The following SLC4A4 variants were observed in gnomAD, a reference collection of about 807,000 sequenced individuals.
SLC4A4 encodes solute carrier family 4 member 4.
In SLC4A4, 27 loss-of-function variants were observed where a neutral mutation model predicts 111.5. The observed-to-expected ratio is 0.24, with a 90% CI of 0.18 to 0.33. SLC4A4 has a LOEUF of 0.33. SLC4A4 is among the 10% of genes least tolerant of loss of function. The pLI, the probability that SLC4A4 is intolerant of heterozygous loss-of-function variation, is 1.00. For missense variants in SLC4A4, 909 were observed against 1,315.5 expected (o/e 0.69, Z 4.78); for synonymous variants, 443 against 463.4 (o/e 0.96, Z 0.57).
intron 2 of SLC4A4, among the ~76,000 whole-genome samples, chr4:71,134,759 C>T (rs1457344242): frequency 1.3e-5 from 2 of 152,190 alleles, no homozygotes; most frequent in Admixed American, 6.5e-5. Context: ...GCAAAGTCCA[C>T]AAGGCTGTAC....
chr4:71,384,561 G>A (rs1183454225), intron 6 of SLC4A4, among the ~76,000 whole-genome samples: 3 of 148,628 alleles, frequency 2.0e-5, no homozygotes, highest in East Asian at 2.0e-4. Flanking sequence ...GAGGGGGCTT[G>A]AACCCAGGAG....
intron 7 of SLC4A4, chr4:71,437,975 T>C (rs1265161339): frequency 1.3e-5 from 2 of 156,760 alleles, no homozygotes; most frequent in Non-Finnish European, 2.8e-5. Flanking sequence ...GGCAGAAATC[T>C]CCTTGAGGTG....
At chr4:71,198,397 A>G (rs778989583) in intron 1 of SLC4A4, among the ~76,000 whole-genome samples, 18 of 152,148 alleles carry the variant, frequency 1.2e-4, no homozygotes, top group Non-Finnish European at 2.2e-4. Flanking sequence ...ATGTTTGTCC[A>G]TGTATCTGAA....
chr4:71,536,465 C>CATATATATAT lies in SLC4A4; in HGVS notation c.2442+2090_2442+2099dup, dbSNP rs869091643. Reference sequence around the variant, plus strand: ...GCATATATACATATATACATATATACATATATATATATATATATATATGTA... The same window carrying CATATATATAT: ...GCATATATACATATATACATATATACATATATATATATATATATATATATATATATATGTA... On this transcript the variant is annotated intron_variant, in intron 18 of 25. Coordinates refer to ENST00000264485, the MANE Select transcript of SLC4A4 (RefSeq NM_001098484.3). Among the ~76,000 whole-genome samples the CATATATATAT allele has an allele frequency of 7.6e-3, 308 of 40,692 alleles. 16 individuals are homozygous for CATATATATAT. Among genetic ancestry groups the CATATATATAT allele is most frequent in the African/African-American group, 0.024 (300 of 12,466 alleles). 26.7% of individuals were successfully genotyped at this position (40,692 alleles called of 152,430 possible). A position where few individuals can be genotyped will look rare whatever the true frequency, so the allele number is the denominator to read the frequency against.
At chr4:71,266,987 T>A (rs1382612183) in intron 3 of SLC4A4, among the ~76,000 whole-genome samples, 1 of 152,218 alleles carries the variant, frequency 6.6e-6, no homozygotes, top group Non-Finnish European at 1.5e-5. Flanking sequence ...AATTACTAAC[T>A]ACATCAGTAT....
intron 3 of SLC4A4, among the ~76,000 whole-genome samples, chr4:71,337,765 A>T (rs909471861): frequency 9.9e-5 from 15 of 151,808 alleles, no homozygotes; most frequent in African/African-American, 3.6e-4. Flanking sequence ...TGGGTGCATG[A>T]TTCCCAAACC....
chr4:71,385,357 C>A (rs529148935), intron 6 of SLC4A4, among the ~76,000 whole-genome samples: 3 of 151,170 alleles, frequency 2.0e-5, no homozygotes, highest in East Asian at 1.9e-4. Context: ...CACCATCCGA[C>A]CCGGCTAATT....
intron 3 of SLC4A4, among the ~76,000 whole-genome samples, chr4:71,299,207 T>C (rs114496511): frequency 0.013 from 1,996 of 152,324 alleles, 17 homozygotes; most frequent in Non-Finnish European, 0.023. Flanking sequence ...CTGACCAGTC[T>C]TTCTATTGTT....
chr4:71,367,676 T>G (rs1187444965), intron 6 of SLC4A4, among the ~76,000 whole-genome samples: 2 of 152,208 alleles, frequency 1.3e-5, no homozygotes, highest in Non-Finnish European at 2.9e-5. Flanking sequence ...GCAAAGAACT[T>G]CAATTATGGG....
intron 1 of SLC4A4, among the ~76,000 whole-genome samples, chr4:71,210,669 A>G (rs555077892): frequency 2.6e-5 from 4 of 152,350 alleles, no homozygotes; most frequent in Non-Finnish European, 5.9e-5. Context: ...GTTACTGGGA[A>G]CACTGTGTAA....
At chr4:71,392,086 T>G (rs975832897) in intron 6 of SLC4A4, among the ~76,000 whole-genome samples, 4 of 152,146 alleles carry the variant, frequency 2.6e-5, no homozygotes, top group Admixed American at 2.6e-4. Flanking sequence ...TTCCAACACC[T>G]TCCCAGGTTA....
At chr4:71,162,560 A>G (rs1207953379) in intron 2 of SLC4A4, among the ~76,000 whole-genome samples, 1 of 152,182 alleles carries the variant, frequency 6.6e-6, no homozygotes, top group African/African-American at 2.4e-5. Context: ...CCTTGTCCTT[A>G]TCTTTTAAAT....
chr4:71,348,961 CAG>C (rs1171838188), intron 4 of SLC4A4, among the ~76,000 whole-genome samples: 3 of 152,248 alleles, frequency 2.0e-5, no homozygotes, highest in African/African-American at 7.2e-5. Flanking sequence ...CAATATCTCT[CAG>C]AAGGTTTAAA....
intron 3 of SLC4A4, among the ~76,000 whole-genome samples, chr4:71,280,454 A>G (rs919549905): frequency 4.6e-5 from 7 of 152,308 alleles, no homozygotes; most frequent in African/African-American, 1.7e-4. Flanking sequence ...TTGGTATTAT[A>G]GCCAAAAAGT....
chr4:71,167,527 T>C (rs780441045), intron 2 of SLC4A4, among the ~76,000 whole-genome samples: 19 of 152,250 alleles, frequency 1.2e-4, no homozygotes, highest in Non-Finnish European at 2.5e-4. Context: ...GAGACCCTCT[T>C]TGGGAAATAT....
At chr4:71,158,883 A>C (rs1744545990) in intron 2 of SLC4A4, among the ~76,000 whole-genome samples, 1 of 152,104 alleles carries the variant, frequency 6.6e-6, no homozygotes, top group South Asian at 2.1e-4. Flanking sequence ...TGTGATTTGG[A>C]GAAGAGAGTG....
chr4:71,453,692 C>T, intron 12 of SLC4A4, 23 bp downstream of exon 12: 1 of 1,612,822 alleles, frequency 6.2e-7, no homozygotes, highest in South Asian at 1.1e-5. Context: ...TTGAGGAGGA[C>T]ACAAATAGTA....
intron 12 of SLC4A4, among the ~76,000 whole-genome samples, chr4:71,464,553 C>T (rs182016211): frequency 1.3e-5 from 2 of 152,232 alleles, no homozygotes; most frequent in Admixed American, 1.3e-4. Flanking sequence ...CTTATGAGAC[C>T]TTCCTGCCAG....
chr4:71,552,679 A>G (rs1736119274), intron 20 of SLC4A4, among the ~76,000 whole-genome samples: 1 of 151,718 alleles, frequency 6.6e-6, no homozygotes, highest in Non-Finnish European at 1.5e-5. Context: ...ATGTATGGTA[A>G]TCTTATTTAT....
Sources: gnomAD v4.1 joint callset for allele counts (sites outside exome capture counted in the v4.1 genomes callset) on GRCh38, gnomAD v4.1.1 for gene constraint, MANE v1.5 for transcripts, NCBI Gene and HGNC (gene_info 2026-07-23, HGNC 2026-07-21) for gene names.